CPNE4: variants seen among roughly 807,000 people sequenced by gnomAD.
CPNE4 encodes the protein copine 4.
In CPNE4, 25 loss-of-function variants were observed where a neutral mutation model predicts 67.9. The ratio of observed to expected loss-of-function variants is 0.37; its 90% CI spans 0.27 to 0.51. CPNE4 has a LOEUF of 0.51. Among genes scored for constraint, CPNE4 ranks in the 20% least tolerant of loss-of-function variants. The probability of loss-of-function intolerance (pLI) is 0.93; values close to 1 mark genes in which losing one functional copy is unlikely to be tolerated. For synonymous variants in CPNE4, 242 were observed against 244.9 expected (o/e 0.99, Z 0.11); for missense variants, 464 against 690.8 (o/e 0.67, Z 3.68).
At chr3:131,994,791 T>C (rs934679607) in intron 1 of CPNE4, among the ~76,000 whole-genome samples, 2 of 152,340 alleles carry the variant, frequency 1.3e-5, no homozygotes. Flanking sequence ...ACCTTTTCTA[T>C]AATGAGACTG....
intron 2 of CPNE4, among the ~76,000 whole-genome samples, chr3:131,763,421 G>A (rs750874932): frequency 2.6e-5 from 4 of 152,062 alleles, no homozygotes; most frequent in Non-Finnish European, 4.4e-5. Context: ...TGGAGACGTC[G>A]CAGTGTAATT....
At chr3:131,765,792 C>G (rs1041640761) in intron 2 of CPNE4, among the ~76,000 whole-genome samples, 3 of 152,000 alleles carry the variant, frequency 2.0e-5, no homozygotes, top group African/African-American at 7.2e-5. Flanking sequence ...TGAAGGATCG[C>G]TACATCACCA....
chr3:131,765,291 A>C (rs2082982807), intron 2 of CPNE4, among the ~76,000 whole-genome samples: 2 of 152,138 alleles, frequency 1.3e-5, no homozygotes, highest in African/African-American at 4.8e-5. Context: ...TTCTGTGCTA[A>C]ACTTACTGGG....
chr3:131,865,337 A>T (rs2086893491), intron 2 of CPNE4, among the ~76,000 whole-genome samples: 1 of 152,204 alleles, frequency 6.6e-6, no homozygotes, highest in African/African-American at 2.4e-5. Context: ...ATCTGGTCCT[A>T]GAATTTTTTT....
chr3:131,636,584 T>C (rs1375892886), intron 7 of CPNE4, among the ~76,000 whole-genome samples: 1 of 152,144 alleles, frequency 6.6e-6, no homozygotes, highest in Non-Finnish European at 1.5e-5. Context: ...ACAAAGGTCA[T>C]AGTCTCTTGG....
At chr3:131,866,514 C>T (rs2086957945) in intron 2 of CPNE4, among the ~76,000 whole-genome samples, 1 of 152,206 alleles carries the variant, frequency 6.6e-6, no homozygotes, top group Non-Finnish European at 1.5e-5. Context: ...TTTGCTCAGG[C>T]TTGTTTGACA....
At chr3:131,746,796 G>T (rs946146841) in intron 2 of CPNE4, among the ~76,000 whole-genome samples, 23 of 152,064 alleles carry the variant, frequency 1.5e-4, no homozygotes, top group African/African-American at 4.8e-4. Flanking sequence ...CCAGCAATAG[G>T]ATTGTGGGGT....
At chr3:131,680,441 G>T (rs922327182) in intron 6 of CPNE4, among the ~76,000 whole-genome samples, 3 of 151,810 alleles carry the variant, frequency 2.0e-5, no homozygotes, top group Non-Finnish European at 2.9e-5. Flanking sequence ...AACAAGCAAA[G>T]AAAAAATTAA....
At chr3:131,673,277 A>G (rs2080471356) in intron 6 of CPNE4, among the ~76,000 whole-genome samples, 1 of 151,898 alleles carries the variant, frequency 6.6e-6, no homozygotes, top group Non-Finnish European at 1.5e-5. Context: ...TGATTCCTCC[A>G]GTTTTGTTCT....
chr3:131,753,479 G>A (rs1040220601), intron 2 of CPNE4, among the ~76,000 whole-genome samples: 73 of 151,936 alleles, frequency 4.8e-4, no homozygotes, highest in African/African-American at 1.6e-3. Flanking sequence ...AATGAAAGTC[G>A]ACAGACAAAT....
intron 2 of CPNE4, among the ~76,000 whole-genome samples, chr3:131,894,817 T>C (rs1373032210): frequency 6.6e-6 from 1 of 151,824 alleles, no homozygotes; most frequent in Non-Finnish European, 1.5e-5. Flanking sequence ...TCTCAAAAAA[T>C]TAAAAATAGA....
At chr3:131,844,310 G>A (rs1291784669) in intron 2 of CPNE4, among the ~76,000 whole-genome samples, 1 of 150,578 alleles carries the variant, frequency 6.6e-6, no homozygotes, top group Non-Finnish European at 1.5e-5. Context: ...ACCCAGGCTG[G>A]AGCTGGAGTG....
intron 3 of CPNE4, among the ~76,000 whole-genome samples, chr3:131,707,570 C>T (rs1328822108): frequency 6.6e-6 from 1 of 152,182 alleles, no homozygotes; most frequent in African/African-American, 2.4e-5. Flanking sequence ...CTCAAGGTTC[C>T]ATAGCCAGTA....
At chr3:132,035,753 A>G (rs1390292690), upstream of CPNE4, among the ~76,000 whole-genome samples, 2 of 152,198 alleles carry the variant, frequency 1.3e-5, no homozygotes, top group Non-Finnish European at 2.9e-5. Context: ...GACAAACTAG[A>G]CAACTAAATT....
intron 3 of CPNE4, among the ~76,000 whole-genome samples, chr3:131,707,089 C>T (rs903110832): frequency 6.6e-6 from 1 of 152,222 alleles, no homozygotes; most frequent in Non-Finnish European, 1.5e-5. Flanking sequence ...AAATATTTTA[C>T]ATAGTTTGAC....
At chr3:131,560,899 A>G (rs1936726811) in intron 11 of CPNE4, among the ~76,000 whole-genome samples, 1 of 152,020 alleles carries the variant, frequency 6.6e-6, no homozygotes, top group Non-Finnish European at 1.5e-5. Context: ...AATGGCTTCA[A>G]TGTACAGCCA....
chr3:131,746,162 G>A (rs1257987129), intron 2 of CPNE4, among the ~76,000 whole-genome samples: 1 of 152,182 alleles, frequency 6.6e-6, no homozygotes, highest in East Asian at 1.9e-4. Context: ...GATAATAAGT[G>A]TACATATTTA....
At chr3:131,953,113 G>A (rs768322173) in intron 1 of CPNE4, among the ~76,000 whole-genome samples, 7 of 151,868 alleles carry the variant, frequency 4.6e-5, no homozygotes, top group South Asian at 4.1e-4. Flanking sequence ...GCAGAGGGCC[G>A]CAGGGTCCTC....
intron 13 of CPNE4, among the ~76,000 whole-genome samples, chr3:131,552,064 GA>G (rs5852631): frequency 0.59 from 73,684 of 124,330 alleles, 22,028 homozygotes; most frequent in Non-Finnish European, 0.71. Flanking sequence ...ATGAAGTTGT[GA>G]AAAAAAAAAA....
Sources: allele counts gnomAD v4.1 joint callset (sites outside exome capture counted in the v4.1 genomes callset), GRCh38; gene constraint gnomAD v4.1.1; transcripts MANE v1.5; gene names NCBI Gene and HGNC (gene_info 2026-07-23, HGNC 2026-07-21).